Variants in IL34 observed in about 807,000 individuals in gnomAD.
IL34 encodes interleukin 34.
Under a neutral mutation model 25.3 loss-of-function variants are expected in IL34, and 17 were observed. The ratio of observed to expected loss-of-function variants is 0.67; its 90% CI spans 0.46 to 1.01. IL34 has a LOEUF of 1.01. Among genes scored for constraint, IL34 ranks in the 50% least tolerant of loss-of-function variants. The pLI is 0.00. For synonymous variants in IL34, 174 were observed against 140.9 expected, an observed-to-expected ratio of 1.23 and a Z score of -1.66; for missense variants, 368 against 312.9, an observed-to-expected ratio of 1.18 and a Z score of -1.33.
intron 1 of IL34, among the ~76,000 whole-genome samples, chr16:70,649,662 G>A (rs375036783): frequency 9.2e-5 from 14 of 152,244 alleles, no homozygotes; most frequent in African/African-American, 2.6e-4. Context: ...TTTGGTCCCC[G>A]GGGCTGGGGG....
chr16:70,621,594 A>T (rs2051283485), intron 1 of IL34, among the ~76,000 whole-genome samples: 1 of 152,076 alleles, frequency 6.6e-6, no homozygotes, highest in Admixed American at 6.6e-5. Context: ...CCCCGATCCG[A>T]GTCATGGCAC....
intron 1 of IL34, among the ~76,000 whole-genome samples, chr16:70,611,319 G>A (rs1401954003): frequency 6.6e-6 from 1 of 152,148 alleles, no homozygotes; most frequent in Non-Finnish European, 1.5e-5. Context: ...CCTAGTTGCT[G>A]TGAAGGGGGA....
At chr16:70,580,135 C>T (rs1382649895) in intron 1 of IL34, 2 of 152,724 alleles carry the variant, frequency 1.3e-5, no homozygotes, top group South Asian at 4.1e-4. Flanking sequence ...TCTGCTGCTG[C>T]TTCACTGATC....
intron 1 of IL34, among the ~76,000 whole-genome samples, chr16:70,624,010 T>C (rs2051336349): frequency 6.6e-6 from 1 of 151,334 alleles, no homozygotes; most frequent in Non-Finnish European, 1.5e-5. Flanking sequence ...TCGGCGTCTG[T>C]GATGGTCTAC....
At chr16:70,624,704 G>A (rs1237206955) in intron 1 of IL34, among the ~76,000 whole-genome samples, 5 of 152,018 alleles carry the variant, frequency 3.3e-5, no homozygotes, top group East Asian at 1.9e-4. Flanking sequence ...TGCTGGACAG[G>A]TGGGGAAGGG....
intron 1 of IL34, among the ~76,000 whole-genome samples, chr16:70,602,315 C>T (rs1321698542): frequency 6.6e-6 from 1 of 152,198 alleles, no homozygotes; most frequent in Non-Finnish European, 1.5e-5. Context: ...CCCAACTTGC[C>T]AGCTGCGTGG....
chr16:70,655,631 A>T (rs1047401401), intron 2 of IL34, among the ~76,000 whole-genome samples: 1 of 152,090 alleles, frequency 6.6e-6, no homozygotes, highest in Admixed American at 6.5e-5. Flanking sequence ...GGCTCAAGCA[A>T]TATGCCCACC....
intron 1 of IL34, among the ~76,000 whole-genome samples, chr16:70,621,432 G>A (rs984373236): frequency 5.3e-5 from 8 of 151,958 alleles, no homozygotes; most frequent in Admixed American, 2.6e-4. Context: ...GACAGTGAGA[G>A]AGGTTGGAGA....
chr16:70,610,901 G>A (rs944513739), intron 1 of IL34, among the ~76,000 whole-genome samples: 4 of 152,310 alleles, frequency 2.6e-5, no homozygotes, highest in East Asian at 1.9e-4. Flanking sequence ...GATTCTTCTG[G>A]AAATGAAAAA....
chr16:70,598,305 G>A lies in IL34; in HGVS notation c.-401+18256G>A, dbSNP rs184693250. On this transcript the variant is annotated intron_variant, in intron 1 of 6. Coordinates refer to the IL34 transcript ENST00000429149. ...CCTATATCACAGGACTTGAGGGAAT[G>A]GTTGGTGTCCTGGCCTCTAGCTTTT... 3.0e-4 allele frequency among the ~76,000 whole-genome samples: 46 copies of A among 152,256 alleles called. No homozygotes were observed. In the East Asian group the frequency reaches 5.6e-3, roughly 18 times the overall value.
At chr16:70,583,043 C>T (rs780680522) in intron 1 of IL34, among the ~76,000 whole-genome samples, 4 of 152,014 alleles carry the variant, frequency 2.6e-5, no homozygotes, top group Non-Finnish European at 5.9e-5. Flanking sequence ...GGTAGGGATA[C>T]GATTTTGAAG....
At chr16:70,659,585 C>T (rs377763641) in intron 4 of IL34, 33 bp from the exon 5 acceptor site, 112 of 1,578,704 alleles carry the variant, frequency 7.1e-5, no homozygotes, top group South Asian at 1.4e-4. Flanking sequence ...GGCCCCATCT[C>T]GCCACCGCTC....
At chr16:70,623,833 A>G (rs536513612) in intron 1 of IL34, among the ~76,000 whole-genome samples, 22 of 150,990 alleles carry the variant, frequency 1.5e-4, no homozygotes, top group South Asian at 6.2e-4. Flanking sequence ...CTAAGTTGGC[A>G]CCAGAGTTGG....
At chr16:70,622,368 C>T (rs2051300670) in intron 1 of IL34, among the ~76,000 whole-genome samples, 1 of 151,648 alleles carries the variant, frequency 6.6e-6, no homozygotes, top group Admixed American at 6.6e-5. Flanking sequence ...AGGGAGGAGG[C>T]CTGAATAATC....
chr16:70,614,504 A>C (rs180855409), intron 1 of IL34, among the ~76,000 whole-genome samples: 43 of 152,332 alleles, frequency 2.8e-4, no homozygotes, highest in African/African-American at 1.0e-3. Flanking sequence ...GGAAGCTCAG[A>C]TTCAACAGTG....
At chr16:70,620,223 G>A (rs1223795077) in intron 1 of IL34, among the ~76,000 whole-genome samples, 1 of 152,110 alleles carries the variant, frequency 6.6e-6, no homozygotes, top group Non-Finnish European at 1.5e-5. Flanking sequence ...GGGCTGTAAA[G>A]CGTCTCAAGG....
At chr16:70,654,339 G>A (rs1405861521) in intron 1 of IL34, 199 bp from the exon 2 acceptor site, 1 of 610,070 alleles carries the variant, frequency 1.6e-6, no homozygotes, top group Non-Finnish European at 2.7e-6. Context: ...TCTCTGCACT[G>A]CTAGTGCCTG....
At chr16:70,610,576 ACAC>A (rs2051075977) in intron 1 of IL34, among the ~76,000 whole-genome samples, 1 of 152,206 alleles carries the variant, frequency 6.6e-6, no homozygotes, top group Non-Finnish European at 1.5e-5. Context: ...GACACACAAC[ACAC>A]AACTGAATGC....
At chr16:70,632,135 C>T (rs1357157737) in intron 1 of IL34, among the ~76,000 whole-genome samples, 1 of 151,192 alleles carries the variant, frequency 6.6e-6, no homozygotes, top group South Asian at 2.1e-4. Context: ...GATAATAGTT[C>T]CCAACTCCAG....
Sources: allele counts gnomAD v4.1 joint callset (sites outside exome capture counted in the v4.1 genomes callset), GRCh38; gene constraint gnomAD v4.1.1; transcripts MANE v1.5; gene names NCBI Gene and HGNC (gene_info 2026-07-23, HGNC 2026-07-21).